The following HCRTR2 variants were observed in gnomAD, a reference collection of about 807,000 sequenced individuals.
HCRTR2 encodes orexin receptor type 2.
A neutral mutation model predicts 49.0 loss-of-function variants in HCRTR2; 22 were observed. The ratio of observed to expected loss-of-function variants is 0.45; its 90% CI spans 0.32 to 0.64. The LOEUF (loss-of-function observed/expected upper bound fraction) is 0.64, where lower values mean the gene tolerates loss of function less well. Ranked by LOEUF, HCRTR2 falls within the 30% of genes least tolerant of loss-of-function variation. The pLI is 0.04. For missense variants in HCRTR2, 491 were observed against 559.4 expected, an observed-to-expected ratio of 0.88 and a Z score of 1.23; for synonymous variants, 236 against 205.3, an observed-to-expected ratio of 1.15 and a Z score of -1.28.
chr6:55,240,649 T>A, intron 1 of HCRTR2: 1 of 230,476 alleles, frequency 4.3e-6, no homozygotes. Context: ...AACAGTGTGA[T>A]GGAGTGAAAA....
At chr6:55,279,586 C>T (rs1006485952) in intron 5 of HCRTR2, among the ~76,000 whole-genome samples, 1 of 148,454 alleles carries the variant, frequency 6.7e-6, no homozygotes, top group African/African-American at 2.5e-5. Flanking sequence ...GAGACTTTAG[C>T]AGGAAATATA....
intron 1 of HCRTR2, among the ~76,000 whole-genome samples, chr6:55,218,317 A>C (rs1044862958): frequency 6.6e-6 from 1 of 152,224 alleles, no homozygotes. Flanking sequence ...AAATTAATGA[A>C]ACACAAAGGA....
intron 1 of HCRTR2, among the ~76,000 whole-genome samples, chr6:55,120,761 T>C (rs1451600518): frequency 2.0e-5 from 3 of 152,118 alleles, no homozygotes; most frequent in African/African-American, 7.2e-5. Flanking sequence ...TCTTGTCTGA[T>C]TGGCCTGGCC....
chr6:55,174,368 C>A, upstream of HCRTR2: 1 of 576,500 alleles, frequency 1.7e-6, no homozygotes. Context: ...AGCTGCCTAT[C>A]TTCCCGGTGC....
At chr6:55,247,443 C>T (rs1372064237) in intron 1 of HCRTR2, among the ~76,000 whole-genome samples, 1 of 152,066 alleles carries the variant, frequency 6.6e-6, no homozygotes, top group Non-Finnish European at 1.5e-5. Flanking sequence ...CCAAAGAAAT[C>T]CTCATTCAGT....
chr6:55,149,460 A>G (rs1764636062), intron 1 of HCRTR2, among the ~76,000 whole-genome samples: 1 of 152,080 alleles, frequency 6.6e-6, no homozygotes, highest in Non-Finnish European at 1.5e-5. Flanking sequence ...TATGATTAAT[A>G]TTTACTGTGC....
At chr6:55,252,320 T>G (rs1224199491) in intron 2 of HCRTR2, among the ~76,000 whole-genome samples, 1 of 152,140 alleles carries the variant, frequency 6.6e-6, no homozygotes, top group Non-Finnish European at 1.5e-5. Flanking sequence ...TATGACCTAA[T>G]GGCATTAGGA....
chr6:55,211,665 A>G (rs530289268), intron 1 of HCRTR2, among the ~76,000 whole-genome samples: 4 of 152,170 alleles, frequency 2.6e-5, no homozygotes, highest in Admixed American at 2.6e-4. Flanking sequence ...CTCTAGCCTT[A>G]TTTGATTTCT....
intron 1 of HCRTR2, among the ~76,000 whole-genome samples, chr6:55,206,528 T>A (rs1057474997): frequency 4.4e-4 from 66 of 149,022 alleles, no homozygotes; most frequent in African/African-American, 1.6e-3. Context: ...ATAAAGAGTT[T>A]AATAGTTATT....
At chr6:55,280,292 A>G in intron 5 of HCRTR2, 31 bp from the exon 6 acceptor site, 1 of 1,400,168 alleles carries the variant, frequency 7.1e-7, no homozygotes, top group Non-Finnish European at 1.0e-6. Flanking sequence ...ATTATTTAAA[A>G]GACACTTTTC....
chr6:55,284,540 T>G (rs979061362), downstream of HCRTR2, among the ~76,000 whole-genome samples: 1 of 152,146 alleles, frequency 6.6e-6, no homozygotes, highest in African/African-American at 2.4e-5. Flanking sequence ...TATCTGCCTG[T>G]GTGAAATAAA....
chr6:55,202,796 G>A (rs1000018173), intron 1 of HCRTR2, among the ~76,000 whole-genome samples: 3 of 151,960 alleles, frequency 2.0e-5, no homozygotes, highest in Non-Finnish European at 4.4e-5. Flanking sequence ...TCAATCTATA[G>A]CAATGCCTAT....
intron 1 of HCRTR2, among the ~76,000 whole-genome samples, chr6:55,245,472 TATATA>T (rs1378244986): frequency 2.0e-4 from 10 of 48,994 alleles, no homozygotes; most frequent in African/African-American, 1.2e-3. Context: ...GAAGATTTTA[TATATA>T]TATATATATA....
At chr6:55,157,815 G>A (rs1764750672) in intron 1 of HCRTR2, among the ~76,000 whole-genome samples, 1 of 152,146 alleles carries the variant, frequency 6.6e-6, no homozygotes, top group South Asian at 2.1e-4. Context: ...TAGTTTTCAG[G>A]TTTCCCCAGT....
At chr6:55,130,078 A>G (rs1465934907) in intron 1 of HCRTR2, among the ~76,000 whole-genome samples, 5 of 151,982 alleles carry the variant, frequency 3.3e-5, no homozygotes, top group Non-Finnish European at 7.4e-5. Flanking sequence ...TCCTCAGGTA[A>G]GCATTAATCC....
intron 1 of HCRTR2, among the ~76,000 whole-genome samples, chr6:55,111,066 A>T (rs1049084915): frequency 3.3e-5 from 5 of 152,106 alleles, no homozygotes; most frequent in African/African-American, 1.2e-4. Context: ...TCAACTTCAA[A>T]AGGAACTCTC....
intron 1 of HCRTR2, among the ~76,000 whole-genome samples, chr6:55,213,978 C>T (rs1265852857): frequency 2.1e-5 from 3 of 145,568 alleles, no homozygotes; most frequent in Admixed American, 6.7e-5. Flanking sequence ...AGTGATGTAT[C>T]CAAAAAAAAA....
chr6:55,219,725 G>T (rs983923710), intron 1 of HCRTR2, among the ~76,000 whole-genome samples: 1 of 151,664 alleles, frequency 6.6e-6, no homozygotes, highest in African/African-American at 2.4e-5. Flanking sequence ...AAATTAAATA[G>T]AAAGTAGAAA....
At chr6:55,113,083 A>G (rs1764072079) in intron 1 of HCRTR2, among the ~76,000 whole-genome samples, 2 of 152,136 alleles carry the variant, frequency 1.3e-5, no homozygotes, top group African/African-American at 4.8e-5. Flanking sequence ...CACATGTAGA[A>G]GAATCATACT....
Sources: allele counts gnomAD v4.1 joint callset (sites outside exome capture counted in the v4.1 genomes callset), GRCh38; gene constraint gnomAD v4.1.1; transcripts MANE v1.5; gene names NCBI Gene and HGNC (gene_info 2026-07-23, HGNC 2026-07-21).